The following LOXHD1 variants were observed in gnomAD, a reference collection of about 807,000 sequenced individuals.
LOXHD1 encodes lipoxygenase homology PLAT domains 1.
A neutral mutation model predicts 248.2 loss-of-function variants in LOXHD1; 205 were observed. The ratio of observed to expected loss-of-function variants is 0.83; its 90% CI spans 0.74 to 0.93. The LOEUF (loss-of-function observed/expected upper bound fraction) is 0.93. Ranked by LOEUF, LOXHD1 falls within the 40% of genes least tolerant of loss-of-function variation. LOXHD1 has a pLI of 0.00. For missense variants in LOXHD1, 2,930 were observed against 2,971.6 expected (o/e 0.99, Z 0.33); for synonymous variants, 1,113 against 1,162.8 (o/e 0.96, Z 0.87).
chr18:46,598,244 G>A (rs59257268), intron 8 of LOXHD1, among the ~76,000 whole-genome samples: 3,683 of 152,076 alleles, frequency 0.024, 145 homozygotes, highest in African/African-American at 0.084. Context: ...GTGCAGAAAA[G>A]CATTAGATAA....
In LOXHD1 at chr18:46,640,985, C is replaced by T. The variant is rs545193369; in HGVS notation, c.326+971G>A. 1.2e-4 allele frequency among the ~76,000 whole-genome samples: 19 copies of T among 152,244 alleles called. 1 individual carries two copies. The highest frequency in any genetic ancestry group is 1.0e-3 in the Admixed American group (16 of 15,290). On this transcript the variant is annotated intron_variant, in intron 3 of 40. Transcript: ENST00000642948. Reference sequence around the variant, plus strand: ...GATGAAACCCATGATACACCAGGCCCTTCCCTTGGAAGGATGTATGCCTCT... The same window carrying T: ...GATGAAACCCATGATACACCAGGCCTTTCCCTTGGAAGGATGTATGCCTCT...
intron 14 of LOXHD1, among the ~76,000 whole-genome samples, chr18:46,576,072 TTG>T (rs1214196469): frequency 1.3e-5 from 2 of 152,142 alleles, no homozygotes; most frequent in Non-Finnish European, 1.5e-5. Flanking sequence ...CCCTGCACCG[TTG>T]TGTGTTTCCT....
chr18:46,489,903 A>G (rs1303383554), intron 37 of LOXHD1, among the ~76,000 whole-genome samples: 1 of 152,250 alleles, frequency 6.6e-6, no homozygotes, highest in African/African-American at 2.4e-5. Context: ...CTGTTCAACA[A>G]TCATAGAAGA....
chr18:46,535,072 G>A (rs2036249040), intron 26 of LOXHD1, among the ~76,000 whole-genome samples: 2 of 152,112 alleles, frequency 1.3e-5, no homozygotes, highest in African/African-American at 4.8e-5. Flanking sequence ...ACCTCCCCGA[G>A]AAAGTTAATT....
chr18:46,617,255 T>A (rs189907196), intron 5 of LOXHD1, among the ~76,000 whole-genome samples: 1 of 152,262 alleles, frequency 6.6e-6, no homozygotes, highest in African/African-American at 2.4e-5. Flanking sequence ...CCAAGAAACA[T>A]TTACTGTACT....
rs879220426 is a variant in LOXHD1 at position 46,477,330 on chromosome 18, G to A, written c.*142C>T. 3.6e-6 allele frequency: 4 copies of A among 1,119,232 alleles called. No homozygotes were observed. Among genetic ancestry groups the A allele is most frequent in the East Asian group, 2.6e-5 (1 of 38,992 alleles). 69.3% of individuals were successfully genotyped at this position (1,119,232 alleles called of 1,614,324 possible). ...TTCAATAAACTGGGGGTAGGGTGGG[G>A]AGCAGGACCCCATGAAGTTCTCAGT... On this transcript the variant is annotated 3_prime_UTR_variant, in exon 41 of 41. Transcript: ENST00000642948.
Position 46,560,067 on chromosome 18 carries a change from C to CCCCCCCCCCCCCCCCCT in LOXHD1, c.3061+15_3061+16insAGGGGGGGGGGGGGGGG. On this transcript the variant is annotated intron_variant, in intron 19 of 40. Transcript: ENST00000642948. Reference sequence around the variant, plus strand: ...GGCCACTCCCTCCCCACCCCCACCCCCCACGACCCACTTACGCTCAGGACC... The same window carrying CCCCCCCCCCCCCCCCCT: ...GGCCACTCCCTCCCCACCCCCACCCCCCCCCCCCCCCCCCCCTCCACGACCCACTTACGCTCAGGACC... 1 of 1,524,502 alleles carries CCCCCCCCCCCCCCCCCT rather than the reference C, an allele frequency of 6.6e-7. No individual in the cohort carries two copies. The highest frequency in any genetic ancestry group is 2.0e-5 in the Admixed American group (1 of 50,672). The allele number at this position is 1,524,502 out of a possible 1,614,324, so 94.4% of individuals were successfully genotyped here.
intron 2 of LOXHD1, among the ~76,000 whole-genome samples, chr18:46,648,803 G>A (rs560358253): frequency 1.2e-3 from 177 of 152,282 alleles, no homozygotes; most frequent in African/African-American, 3.5e-3. Context: ...TGGTCTTCCC[G>A]ATATCTGTGT....
At position 46,591,935 on chromosome 18, in the gene LOXHD1, C is replaced by T. The variant is rs2038176804; in HGVS notation, c.1652G>A (p.Gly551Asp). The T allele has an allele frequency of 1.9e-6, 3 of 1,551,672 alleles. No homozygotes were observed. Among genetic ancestry groups the T allele is most frequent in the African/African-American group, 1.4e-5 (1 of 73,042 alleles). ...ATGGAGAGCCTGTCAGTACTTACTG[C>T]CCATGATCCTGCGCACTGTTGGGCC... ...AEGPTVRRIM[G>D]MARYHVTVCT... Residue 551 changes from glycine to aspartate, a missense_variant and splice_region_variant, in exon 12 of 41, where the codon GGC becomes GAC. Gly to Asp is a moderately conservative substitution (Grantham distance 94). Transcript: ENST00000642948.
intron 6 of LOXHD1, among the ~76,000 whole-genome samples, chr18:46,607,903 A>G (rs1889559127): frequency 6.6e-6 from 1 of 152,186 alleles, no homozygotes; most frequent in Admixed American, 6.5e-5. Context: ...AATCTAACAT[A>G]CAATAAGAAA....
At chr18:46,495,629 T>G (rs1380698721) in intron 37 of LOXHD1, among the ~76,000 whole-genome samples, 1 of 152,194 alleles carries the variant, frequency 6.6e-6, no homozygotes, top group Non-Finnish European at 1.5e-5. Flanking sequence ...ATACATTGTA[T>G]TCCTCACAGA....
At chr18:46,511,673 G>T (rs1164016380) in intron 34 of LOXHD1, among the ~76,000 whole-genome samples, 3 of 152,212 alleles carry the variant, frequency 2.0e-5, no homozygotes, top group African/African-American at 4.8e-5. Flanking sequence ...GCCCGGGAAG[G>T]GTTATGGTTA....
chr18:46,506,488 G>T (rs2034581780), intron 36 of LOXHD1, among the ~76,000 whole-genome samples: 1 of 152,176 alleles, frequency 6.6e-6, no homozygotes, highest in Non-Finnish European at 1.5e-5. Context: ...TACAGGTATT[G>T]GCCCAAGTCA....
At position 46,601,422 on chromosome 18, in the gene LOXHD1, G is replaced by A. The variant is rs1036446663; in HGVS notation, c.929C>T (p.Ala310Val). ...VTVFTGDVRG[A>V]GTKSKIYLVM... is the part of the protein sequence containing the mutation. ...CAAGTAGATTTTGGATTTGGTACCA[G>A]CCCCCCGGACATCCCCAGTGAAGAC... The change falls in exon 8 of 41, where the codon GCT becomes GTT. Residue 310 changes from alanine to valine, a missense_variant. Coordinates refer to ENST00000642948, the MANE Select transcript of LOXHD1 (RefSeq NM_001384474.1). The A allele has an allele frequency of 1.3e-6, 2 of 1,551,538 alleles. No individual in the cohort carries two copies. Among genetic ancestry groups the A allele is most frequent in the African/African-American group, 2.7e-5 (2 of 73,012 alleles).
intron 1 of LOXHD1, among the ~76,000 whole-genome samples, chr18:46,656,608 T>C (rs757718545): frequency 6.6e-6 from 1 of 152,146 alleles, no homozygotes; most frequent in South Asian, 2.1e-4. Context: ...GCTTTGGGGA[T>C]GTTCAGGAGC....
At chr18:46,642,879 T>G (rs2038980849) in intron 2 of LOXHD1, among the ~76,000 whole-genome samples, 1 of 152,054 alleles carries the variant, frequency 6.6e-6, no homozygotes, top group African/African-American at 2.4e-5. Flanking sequence ...TTTATCCCAC[T>G]GGGCTGAGAG....
At chr18:46,655,502 T>G (rs896690161) in intron 1 of LOXHD1, among the ~76,000 whole-genome samples, 2 of 152,154 alleles carry the variant, frequency 1.3e-5, no homozygotes, top group Admixed American at 1.3e-4. Context: ...GCACACATGG[T>G]GGGGATGCTG....
intron 38 of LOXHD1, among the ~76,000 whole-genome samples, chr18:46,485,738 T>C (rs9945331): frequency 0.33 from 49,549 of 151,940 alleles, 8,871 homozygotes; most frequent in East Asian, 0.75. Flanking sequence ...GACACAAACA[T>C]GGACTGTACC....
chr18:46,554,653 G>A (rs4890673), intron 21 of LOXHD1, among the ~76,000 whole-genome samples: 17,852 of 151,778 alleles, frequency 0.12, 1,110 homozygotes, highest in Middle Eastern at 0.17. Flanking sequence ...GAGATGGGGA[G>A]GGAAGAGGAG....
Sources: gnomAD v4.1 joint callset for allele counts (sites outside exome capture counted in the v4.1 genomes callset) on GRCh38, gnomAD v4.1.1 for gene constraint, MANE v1.5 for transcripts, NCBI Gene and HGNC (gene_info 2026-07-23, HGNC 2026-07-21) for gene names.